The following WWOX variants were observed in gnomAD, a reference collection of about 807,000 sequenced individuals.
WWOX encodes the protein WW domain containing oxidoreductase.
WWOX carries 69 observed loss-of-function variants against 46.2 expected under a neutral mutation model. That is an observed-to-expected ratio of 1.49 (90% CI 1.23 to 1.82). The LOEUF is 1.82. Ranked by LOEUF, WWOX falls within the 40% of genes most tolerant of loss-of-function variation. The probability of loss-of-function intolerance (pLI) is 0.00; values close to 1 mark genes in which losing one functional copy is unlikely to be tolerated. For missense variants in WWOX, 919 were observed against 542.6 expected (o/e 1.69, Z -6.89); for synonymous variants, 359 against 202.6 (o/e 1.77, Z -6.56).
chr16:78,986,856 A>C lies in WWOX; in HGVS notation c.1057-224752A>C, dbSNP rs556102115. Among the ~76,000 whole-genome samples, 11 of 152,314 alleles carry C rather than the reference A, an allele frequency of 7.2e-5. No homozygotes were observed. In the South Asian group the frequency reaches 2.3e-3, roughly 32 times the overall value. On this transcript the variant is annotated intron_variant, in intron 8 of 8. Transcript: ENST00000566780. ...GGGCATCTTTTTGATAATACACATT[A>C]TGCTTGACTTGGGAGTTTCAGGATG...
At chr16:78,493,830 T>C (rs1352082723) in intron 8 of WWOX, among the ~76,000 whole-genome samples, 2 of 152,194 alleles carry the variant, frequency 1.3e-5, no homozygotes, top group African/African-American at 4.8e-5. Context: ...GTCCGTGTTC[T>C]TACCCACTGC....
At chr16:78,523,130 CT>C (rs2043385841) in intron 8 of WWOX, among the ~76,000 whole-genome samples, 1 of 152,144 alleles carries the variant, frequency 6.6e-6, no homozygotes, top group Non-Finnish European at 1.5e-5. Flanking sequence ...AGAAATTATG[CT>C]CTAAATCCTT....
intron 5 of WWOX, among the ~76,000 whole-genome samples, chr16:78,247,366 A>G (rs935939341): frequency 6.6e-6 from 1 of 152,148 alleles, no homozygotes; most frequent in East Asian, 1.9e-4. Flanking sequence ...CACCTAGTGG[A>G]CATGGTTCTC....
intron 8 of WWOX, among the ~76,000 whole-genome samples, chr16:78,738,526 C>G (rs2049141191): frequency 6.6e-6 from 1 of 151,984 alleles, no homozygotes; most frequent in Admixed American, 6.5e-5. Context: ...TGTTAAAATA[C>G]AAATATATCT....
chr16:78,712,711 T>G (rs1476454311), intron 8 of WWOX, among the ~76,000 whole-genome samples: 1 of 152,104 alleles, frequency 6.6e-6, no homozygotes, highest in Non-Finnish European at 1.5e-5. Flanking sequence ...ATATTTTAAT[T>G]GAGTTTATGT....
At chr16:79,201,581 C>T (rs1322036289) in intron 8 of WWOX, among the ~76,000 whole-genome samples, 1 of 152,134 alleles carries the variant, frequency 6.6e-6, no homozygotes, top group Non-Finnish European at 1.5e-5. Flanking sequence ...TACACTGAAG[C>T]ATCATATTTG....
chr16:78,430,125 A>G (rs570401045), intron 7 of WWOX, among the ~76,000 whole-genome samples: 5 of 152,294 alleles, frequency 3.3e-5, no homozygotes, highest in Non-Finnish European at 7.4e-5. Context: ...AGATGAAGGA[A>G]GGGCAAAGGG....
At chr16:78,173,590 G>C (rs1405065449) in intron 5 of WWOX, among the ~76,000 whole-genome samples, 2 of 151,912 alleles carry the variant, frequency 1.3e-5, no homozygotes, top group African/African-American at 2.4e-5. Context: ...GGGCCATCGT[G>C]CCTGGCCTTA....
chr16:78,567,372 C>T (rs979133199), intron 8 of WWOX, among the ~76,000 whole-genome samples: 2 of 150,798 alleles, frequency 1.3e-5, no homozygotes, highest in African/African-American at 2.4e-5. Context: ...CGTAAAACCC[C>T]GTCTCTACTA....
chr16:78,436,933 A>G (rs955091313), intron 8 of WWOX, among the ~76,000 whole-genome samples: 8 of 152,250 alleles, frequency 5.3e-5, no homozygotes, highest in Non-Finnish European at 1.2e-4. Context: ...ACGCAGTTGC[A>G]TCCCATTTCT....
chr16:78,652,253 C>G (rs1597396570), intron 8 of WWOX, among the ~76,000 whole-genome samples: 1 of 150,824 alleles, frequency 6.6e-6, no homozygotes, highest in Non-Finnish European at 1.5e-5. Flanking sequence ...TACTAAAAAT[C>G]CAAAAATTAG....
chr16:79,150,353 T>A (rs1019698726), intron 8 of WWOX, among the ~76,000 whole-genome samples: 4 of 152,204 alleles, frequency 2.6e-5, no homozygotes, highest in Non-Finnish European at 5.9e-5. Flanking sequence ...GATAAAGCCC[T>A]GTTAATAATT....
At chr16:78,818,770 C>T (rs12447302) in intron 8 of WWOX, among the ~76,000 whole-genome samples, 2 of 152,130 alleles carry the variant, frequency 1.3e-5, no homozygotes, top group Non-Finnish European at 2.9e-5. Flanking sequence ...TATTCGGGGC[C>T]TTAGTTTCGT....
chr16:78,402,680 A>G (rs1023622719), intron 6 of WWOX, among the ~76,000 whole-genome samples: 1 of 152,206 alleles, frequency 6.6e-6, no homozygotes, highest in Non-Finnish European at 1.5e-5. Flanking sequence ...ATCAAAGCCA[A>G]CAAGAGACAA....
At chr16:78,189,376 A>G (rs1360902430) in intron 5 of WWOX, among the ~76,000 whole-genome samples, 1 of 152,172 alleles carries the variant, frequency 6.6e-6, no homozygotes. Context: ...CTGATGATGT[A>G]ACATGGAGAT....
At chr16:78,909,048 A>T (rs780557661) in intron 8 of WWOX, among the ~76,000 whole-genome samples, 5 of 152,218 alleles carry the variant, frequency 3.3e-5, no homozygotes, top group Non-Finnish European at 7.3e-5. Flanking sequence ...TTTGTTTCAA[A>T]GTTAAACCGT....
chr16:78,218,485 G>T (rs1011298071), intron 5 of WWOX, among the ~76,000 whole-genome samples: 1 of 152,080 alleles, frequency 6.6e-6, no homozygotes, highest in African/African-American at 2.4e-5. Flanking sequence ...GGAGGCTGTT[G>T]GTTGACAGGA....
chr16:78,189,625 C>G (rs1198461237), intron 5 of WWOX, among the ~76,000 whole-genome samples: 1 of 152,118 alleles, frequency 6.6e-6, no homozygotes. Context: ...GGCACCTAAA[C>G]AAATCCTTCT....
chr16:78,936,688 A>G (rs2045744609), intron 8 of WWOX, among the ~76,000 whole-genome samples: 1 of 151,994 alleles, frequency 6.6e-6, no homozygotes, highest in South Asian at 2.1e-4. Flanking sequence ...TACCCTAGGT[A>G]AGGAGAGATT....
Sources: gnomAD v4.1 joint callset for allele counts (sites outside exome capture counted in the v4.1 genomes callset) on GRCh38, gnomAD v4.1.1 for gene constraint, MANE v1.5 for transcripts, NCBI Gene and HGNC (gene_info 2026-07-23, HGNC 2026-07-21) for gene names.